The following WDR47 variants were observed in gnomAD, a reference collection of about 807,000 sequenced individuals.
WDR47 encodes WD repeat-containing protein 47.
Under a neutral mutation model 97.2 loss-of-function variants are expected in WDR47, and 32 were observed. That is an observed-to-expected ratio of 0.33 (90% confidence interval 0.25 to 0.44). The LOEUF is 0.44. Ranked by LOEUF, WDR47 falls within the 20% of genes least tolerant of loss-of-function variation. The pLI, the probability that WDR47 is intolerant of heterozygous loss-of-function variation, is 1.00. For missense variants in WDR47, 782 were observed against 1,102.3 expected (o/e 0.71, Z 4.11); for synonymous variants, 375 against 373.5 (o/e 1.00, Z -0.05).
intron 3 of WDR47, among the ~76,000 whole-genome samples, chr1:109,015,524 C>A (rs1459721181): frequency 2.6e-5 from 4 of 151,714 alleles, no homozygotes; most frequent in Admixed American, 6.6e-5. Flanking sequence ...GACAGGATTT[C>A]GCCATGTTGG....
chr1:108,999,532 C>T (rs140820354), intron 7 of WDR47, among the ~76,000 whole-genome samples: 84 of 151,856 alleles, frequency 5.5e-4, no homozygotes, highest in African/African-American at 1.9e-3. Flanking sequence ...GGTGAAACTT[C>T]ATCTCTACAA....
intron 1 of WDR47, among the ~76,000 whole-genome samples, chr1:109,038,735 G>A (rs1663130506): frequency 6.6e-6 from 1 of 152,136 alleles, no homozygotes; most frequent in African/African-American, 2.4e-5. Context: ...ACAACACTTT[G>A]GGAGGCCGAA....
intron 5 of WDR47, 88 bp from the exon 6 acceptor site, chr1:109,004,803 T>C (rs2101914186): frequency 7.1e-7 from 1 of 1,406,336 alleles, no homozygotes; most frequent in Non-Finnish European, 9.3e-7. Flanking sequence ...TATTTTATTA[T>C]TATTATTTTT....
At chr1:108,975,979 C>G (rs909537523) in intron 13 of WDR47, among the ~76,000 whole-genome samples, 2 of 152,166 alleles carry the variant, frequency 1.3e-5, no homozygotes, top group African/African-American at 4.8e-5. Flanking sequence ...TAAAAGTTAA[C>G]TTGAAAGGCA....
In WDR47 at chr1:109,023,509, T is replaced by C; in HGVS notation, c.4A>G (p.Thr2Ala). The C allele has an allele frequency of 6.2e-7, 1 of 1,612,184 alleles. No homozygotes were observed. The highest frequency in any genetic ancestry group is 2.2e-5 in the East Asian group (1 of 44,772). The change falls in exon 2 of 15, where the codon ACG (threonine) becomes GCG (alanine). Residue 2 changes from threonine to alanine, a missense_variant. Physicochemically the swap from Thr to Ala is moderately conservative, Grantham distance 58 (BLOSUM62 0). Around this residue, in one of 3 missense-constraint regions of WDR47, gnomAD observed 428 missense variants for 584.3 expected, o/e 0.73. Coordinates refer to ENST00000369962, the MANE Select transcript of WDR47 (RefSeq NM_001142551.2). The stretch of plus-strand genomic sequence containing the variant: ...TTTACATTCACTGTTTCTTCAGCCG[T>C]CATATTGATAGCCTAAATATGAAAC... Reference protein sequence around the residue: MTAEETVNVKEV... With the variant: MAAEETVNVKEV...
At chr1:108,991,943 G>T (rs1368844722) in intron 8 of WDR47, among the ~76,000 whole-genome samples, 1 of 152,068 alleles carries the variant, frequency 6.6e-6, no homozygotes, top group Non-Finnish European at 1.5e-5. Flanking sequence ...GATTACAGGT[G>T]TGAGTCACCA....
chr1:109,038,321 G>T (rs543323875), intron 1 of WDR47, among the ~76,000 whole-genome samples: 9 of 152,270 alleles, frequency 5.9e-5, no homozygotes, highest in Non-Finnish European at 1.2e-4. Flanking sequence ...GAGCTACTGT[G>T]CTGTGAAGTA....
chr1:109,005,647 G>T (rs1033976760), intron 5 of WDR47, among the ~76,000 whole-genome samples: 1 of 152,100 alleles, frequency 6.6e-6, no homozygotes, highest in African/African-American at 2.4e-5. Context: ...GGCCGAGGCA[G>T]GCAGATCACG....
intron 9 of WDR47, among the ~76,000 whole-genome samples, chr1:108,990,905 A>T (rs1659287081): frequency 6.6e-6 from 1 of 152,124 alleles, no homozygotes; most frequent in African/African-American, 2.4e-5. Flanking sequence ...GTGCTTTCTA[A>T]GGCTCCCTCT....
At chr1:108,991,148 CA>C (rs1659317152) in intron 9 of WDR47, 105 bp downstream of exon 9, 6 of 1,059,692 alleles carry the variant, frequency 5.7e-6, no homozygotes, top group African/African-American at 1.6e-5. Context: ...GGGTACTGTA[CA>C]CCACCACGTC....
chr1:108,977,103 A>T (rs1360157380), intron 13 of WDR47, among the ~76,000 whole-genome samples: 2 of 152,196 alleles, frequency 1.3e-5, no homozygotes, highest in Admixed American at 6.5e-5. Context: ...ATGGTGGTTT[A>T]TGCTATTTAT....
intron 3 of WDR47, among the ~76,000 whole-genome samples, chr1:109,014,431 CCTTTT>C (rs1339918750): frequency 2.0e-5 from 3 of 151,220 alleles, no homozygotes; most frequent in Non-Finnish European, 3.0e-5. Context: ...AAGCTTTTTT[CCTTTT>C]CTTTTTTTTT....
chr1:108,976,710 C>G (rs1404476182), intron 13 of WDR47, among the ~76,000 whole-genome samples: 1 of 152,128 alleles, frequency 6.6e-6, no homozygotes, highest in African/African-American at 2.4e-5. Flanking sequence ...AAGAAGGCCT[C>G]TCTGGCTAGG....
intron 11 of WDR47, 27 bp from the exon 12 acceptor site, chr1:108,982,806 A>C: frequency 6.3e-7 from 1 of 1,582,652 alleles, no homozygotes; most frequent in East Asian, 2.2e-5. Context: ...AATTAAAAAA[A>C]AAAAATGCTG....
intron 8 of WDR47, among the ~76,000 whole-genome samples, chr1:108,993,258 G>A (rs1348519497): frequency 6.6e-6 from 1 of 151,948 alleles, no homozygotes; most frequent in African/African-American, 2.4e-5. Context: ...CCAGGAGGCC[G>A]GGGGTTGCAG....
At chr1:108,972,261 A>G (rs1341659217) in intron 14 of WDR47, among the ~76,000 whole-genome samples, 1 of 151,802 alleles carries the variant, frequency 6.6e-6, no homozygotes, top group Admixed American at 6.6e-5. Context: ...ATATATCTCA[A>G]ATTTAGTCAT....
intron 12 of WDR47, among the ~76,000 whole-genome samples, 199 bp downstream of exon 12, chr1:108,982,410 A>C (rs1262113619): frequency 1.3e-5 from 2 of 152,016 alleles, no homozygotes; most frequent in African/African-American, 4.8e-5. Flanking sequence ...GCACGTGCCT[A>C]TAGTCCCAGC....
intron 4 of WDR47, among the ~76,000 whole-genome samples, chr1:109,012,044 T>G (rs1373767646): frequency 6.6e-6 from 1 of 152,122 alleles, no homozygotes; most frequent in Non-Finnish European, 1.5e-5. Context: ...AGCCTTGAAC[T>G]CTTGGGCTCA....
intron 9 of WDR47, 159 bp from the exon 10 acceptor site, chr1:108,986,839 CT>C: frequency 1.6e-6 from 1 of 626,262 alleles, no homozygotes; most frequent in Non-Finnish European, 2.6e-6. Context: ...GTTTTTCTTA[CT>C]TTATTAAATC....
Sources: gnomAD v4.1 joint callset for allele counts (sites outside exome capture counted in the v4.1 genomes callset) on GRCh38, gnomAD v4.1.1 for gene constraint, gnomAD v4.1.1 regional missense constraint, MANE v1.5 for transcripts, NCBI Gene and HGNC (gene_info 2026-07-23, HGNC 2026-07-21) for gene names.